Variants in SCAPER observed in about 807,000 individuals in gnomAD.
SCAPER encodes the protein S-phase cyclin A associated protein in the ER, also known as S phase cyclin A-associated protein in the endoplasmic reticulum.
In SCAPER, 98 loss-of-function variants were observed where a neutral mutation model predicts 182.2. The ratio of observed to expected loss-of-function variants is 0.54; its 90% CI spans 0.46 to 0.64. SCAPER has a LOEUF of 0.64. Ranked by LOEUF, SCAPER falls within the 30% of genes least tolerant of loss-of-function variation. The pLI is 0.00. For synonymous variants in SCAPER, 605 were observed against 564.6 expected, an observed-to-expected ratio of 1.07 and a Z score of -1.01; for missense variants, 1,432 against 1,690.0, an observed-to-expected ratio of 0.85 and a Z score of 2.68.
At chr15:76,548,598 T>C (rs1028689004) in intron 23 of SCAPER, among the ~76,000 whole-genome samples, 5 of 152,080 alleles carry the variant, frequency 3.3e-5, no homozygotes, top group Non-Finnish European at 7.4e-5. Context: ...TCAAGGCAAA[T>C]GGGAAAAGGG....
chr15:76,640,887 C>T (rs11855762), intron 21 of SCAPER, among the ~76,000 whole-genome samples: 41,441 of 152,056 alleles, frequency 0.27, 6,431 homozygotes, highest in East Asian at 0.55. Flanking sequence ...TATGAATGGA[C>T]GTGCAGTCAG....
At chr15:76,751,234 CAAAT>C (rs1256299060) in intron 15 of SCAPER, among the ~76,000 whole-genome samples, 2 of 151,714 alleles carry the variant, frequency 1.3e-5, no homozygotes, top group East Asian at 3.9e-4. Context: ...AAAGACAACA[CAAAT>C]AAATAAAAAA....
intron 22 of SCAPER, among the ~76,000 whole-genome samples, chr15:76,613,042 C>T (rs560701930): frequency 2.2e-4 from 33 of 152,296 alleles, no homozygotes; most frequent in African/African-American, 6.7e-4. Flanking sequence ...GCTACAGTAA[C>T]CAAAACAGCA....
chr15:76,420,982 G>T (rs967403827), intron 26 of SCAPER, among the ~76,000 whole-genome samples: 1 of 152,150 alleles, frequency 6.6e-6, no homozygotes, highest in African/African-American at 2.4e-5. Flanking sequence ...AATATTCCAT[G>T]GTGTATATGT....
intron 24 of SCAPER, among the ~76,000 whole-genome samples, chr15:76,491,328 A>G (rs965710102): frequency 5.9e-5 from 9 of 152,366 alleles, no homozygotes; most frequent in African/African-American, 2.2e-4. Flanking sequence ...GATGTACCAC[A>G]GTTTGTTTAT....
In SCAPER at chr15:76,471,346, G is replaced by A; in HGVS notation, c.2955-11C>T. 4 of 1,592,228 alleles carry A rather than the reference G, an allele frequency of 2.5e-6. No individual in the cohort carries two copies. The highest frequency in any genetic ancestry group is 3.4e-6 in the Non-Finnish European group (4 of 1,172,040). ...GCATTGCAGAGAGACCTAAAAGAAG[G>A]AGAAAAACACCATTTATAAAACCCG... On this transcript the variant is annotated splice_polypyrimidine_tract_variant and intron_variant, in intron 24 of 31. Transcript: ENST00000563290.
rs1008299048 is a variant in SCAPER, at chr15:76,794,558, T to C, written c.772+722A>G. 2.6e-5 allele frequency among the ~76,000 whole-genome samples: 4 copies of C among 152,242 alleles called. No homozygotes were observed. The East Asian group carries it at 5.8e-4, about 22-fold the overall frequency. ...ACAAAGACAGCAATGTCTTTTGTTA[T>C]GTGCAATAAAACATTTCTTTCTGAA... On this transcript the variant is annotated intron_variant, in intron 8 of 31. Coordinates refer to ENST00000563290, the MANE Select transcript of SCAPER (RefSeq NM_020843.4).
intron 23 of SCAPER, among the ~76,000 whole-genome samples, chr15:76,547,050 C>T (rs1012695775): frequency 6.6e-6 from 1 of 152,120 alleles, no homozygotes; most frequent in Non-Finnish European, 1.5e-5. Flanking sequence ...ACAAAATTTT[C>T]TCCAAAGTAT....
intron 18 of SCAPER, among the ~76,000 whole-genome samples, chr15:76,704,050 T>C (rs1313650889): frequency 6.6e-6 from 1 of 152,166 alleles, no homozygotes; most frequent in Non-Finnish European, 1.5e-5. Flanking sequence ...CTAGAAAGTA[T>C]CAGTTTATCA....
intron 26 of SCAPER, among the ~76,000 whole-genome samples, chr15:76,405,653 C>A (rs1044817780): frequency 1.3e-5 from 2 of 152,178 alleles, no homozygotes; most frequent in Non-Finnish European, 2.9e-5. Flanking sequence ...GAGCAGCAAT[C>A]ATTGAAAAGA....
intron 25 of SCAPER, among the ~76,000 whole-genome samples, chr15:76,441,383 T>C (rs1200277716): frequency 6.6e-6 from 1 of 152,214 alleles, no homozygotes; most frequent in Non-Finnish European, 1.5e-5. Context: ...AACTTTATAG[T>C]GTATGCCTTA....
At chr15:76,606,488 T>C (rs2145863039) in intron 22 of SCAPER, among the ~76,000 whole-genome samples, 1 of 152,290 alleles carries the variant, frequency 6.6e-6, no homozygotes, top group Non-Finnish European at 1.5e-5. Context: ...AGAATGTATA[T>C]TCTGTTGATT....
At chr15:76,498,450 A>G (rs1022433762) in intron 24 of SCAPER, 3 of 152,232 alleles carry the variant, frequency 2.0e-5, no homozygotes, top group Admixed American at 6.5e-5. Flanking sequence ...ACAAACCTCA[A>G]TAAGTCACGG....
In SCAPER at chr15:76,652,509, T is replaced by TTACA. The variant is rs1182025362; in HGVS notation, c.2645+13140_2645+13143dup. ...CTTTGCTAAATATATATATATATATTTACATACATACACACACACACACAC... is the reference window on the plus strand; with the variant it reads ...CTTTGCTAAATATATATATATATATTTACATACATACATACACACACACACACAC... On this transcript the variant is annotated intron_variant, in intron 21 of 31. Coordinates refer to ENST00000563290, the MANE Select transcript of SCAPER (RefSeq NM_020843.4). Among the ~76,000 whole-genome samples the TTACA allele has an allele frequency of 8.8e-3, 374 of 42,584 alleles. 4 individuals carry two copies. Among genetic ancestry groups the TTACA allele is most frequent in the African/African-American group, 0.03 (363 of 12,130 alleles). 27.9% of individuals were successfully genotyped at this position (42,584 alleles called of 152,430 possible).
At chr15:76,438,385 G>A (rs2047342685) in intron 25 of SCAPER, among the ~76,000 whole-genome samples, 2 of 152,098 alleles carry the variant, frequency 1.3e-5, no homozygotes, top group Admixed American at 1.3e-4. Flanking sequence ...TGTGGTTTGG[G>A]GACCAAATGT....
At chr15:76,551,160 A>G (rs1437593315) in intron 23 of SCAPER, among the ~76,000 whole-genome samples, 1 of 152,204 alleles carries the variant, frequency 6.6e-6, no homozygotes, top group African/African-American at 2.4e-5. Context: ...AGGTTCTTCA[A>G]AAAACTAAAA....
At chr15:76,616,454 G>A (rs1192568534) in intron 22 of SCAPER, among the ~76,000 whole-genome samples, 1 of 152,108 alleles carries the variant, frequency 6.6e-6, no homozygotes, top group Non-Finnish European at 1.5e-5. Context: ...AATGGTGGTT[G>A]CCAAGTGCTA....
chr15:76,665,643 T>C lies in SCAPER; in HGVS notation c.2645+10A>G. The C allele has an allele frequency of 6.3e-7, 1 of 1,581,996 alleles. No individual in the cohort carries two copies. The highest frequency in any genetic ancestry group is 8.6e-7 in the Non-Finnish European group (1 of 1,168,946). ...AGTTTTTCTTTTGCTTTTAAGGGTA[T>C]TTAAGGTACCTGAAGTTCATCCGGG... On this transcript the variant is annotated intron_variant, in intron 21 of 31. Coordinates refer to ENST00000563290, the MANE Select transcript of SCAPER (RefSeq NM_020843.4).
chr15:76,674,266 A>C (rs919412896), intron 20 of SCAPER, among the ~76,000 whole-genome samples: 2 of 152,180 alleles, frequency 1.3e-5, no homozygotes, highest in African/African-American at 4.8e-5. Context: ...AAAACAATCA[A>C]ACATTATGTT....
Sources: gnomAD v4.1 joint callset for allele counts (sites outside exome capture counted in the v4.1 genomes callset) on GRCh38, gnomAD v4.1.1 for gene constraint, MANE v1.5 for transcripts, NCBI Gene and HGNC (gene_info 2026-07-23, HGNC 2026-07-21) for gene names.